PSPC1: variants seen among roughly 807,000 people sequenced by gnomAD.
PSPC1 encodes the protein paraspeckle protein 1.
In PSPC1, 14 loss-of-function variants were observed where a neutral mutation model predicts 51.6. The ratio of observed to expected loss-of-function variants is 0.27; its 90% CI spans 0.18 to 0.42. The LOEUF is 0.42. Ranked by LOEUF, PSPC1 falls within the 10% of genes least tolerant of loss-of-function variation. PSPC1 has a pLI of 1.00. For synonymous variants in PSPC1, 193 were observed against 231.9 expected, an observed-to-expected ratio of 0.83 and a Z score of 1.53; for missense variants, 406 against 701.1, an observed-to-expected ratio of 0.58 and a Z score of 4.75.
chr13:19,754,453 CTTTT>C (rs67371116), intron 3 of PSPC1, among the ~76,000 whole-genome samples: 12 of 122,542 alleles, frequency 9.8e-5, no homozygotes, highest in African/African-American at 1.1e-4. Flanking sequence ...TAACTAACTC[CTTTT>C]TTTTTTTTTT....
At chr13:19,680,822 C>A (rs1877188121) in intron 6 of PSPC1, among the ~76,000 whole-genome samples, 1 of 152,136 alleles carries the variant, frequency 6.6e-6, no homozygotes. Flanking sequence ...GAAAAAGGCC[C>A]CTCTAACCAC....
At chr13:19,685,490 T>A (rs1394640875) in intron 6 of PSPC1, among the ~76,000 whole-genome samples, 1 of 152,210 alleles carries the variant, frequency 6.6e-6, no homozygotes, top group Non-Finnish European at 1.5e-5. Context: ...AGGAAGCACC[T>A]CTATGAGGGT....
At chr13:19,677,904 T>G in intron 6 of PSPC1, 1 of 450,970 alleles carries the variant, frequency 2.2e-6, no homozygotes. Context: ...GTTAACTCAT[T>G]TAGTAAATTC....
intron 2 of PSPC1, among the ~76,000 whole-genome samples, chr13:19,760,513 G>C (rs1420034224): frequency 6.6e-6 from 1 of 150,782 alleles, no homozygotes; most frequent in South Asian, 2.1e-4. Context: ...GGGCGACAGA[G>C]TGAGACTCTG....
At chr13:19,686,150 A>G (rs545937179) in intron 6 of PSPC1, among the ~76,000 whole-genome samples, 97 of 152,288 alleles carry the variant, frequency 6.4e-4, no homozygotes, top group African/African-American at 2.2e-3. Context: ...GCTACATCCT[A>G]TCATGACCTA....
intron 1 of PSPC1, among the ~76,000 whole-genome samples, chr13:19,774,150 A>C (rs1373102891): frequency 6.6e-6 from 1 of 152,208 alleles, no homozygotes; most frequent in Non-Finnish European, 1.5e-5. Flanking sequence ...ACTTCCTTCT[A>C]CTGGGAGAAT....
At chr13:19,678,331 G>A (rs908358179) in intron 6 of PSPC1, 1 of 153,688 alleles carries the variant, frequency 6.5e-6, no homozygotes, top group African/African-American at 2.4e-5. Flanking sequence ...TCTTACCCTA[G>A]TAAGACCTTG....
chr13:19,780,176 G>A (rs1349281045), intron 1 of PSPC1, among the ~76,000 whole-genome samples: 2 of 119,030 alleles, frequency 1.7e-5, no homozygotes, highest in Non-Finnish European at 3.7e-5. Flanking sequence ...GCCCCGTCCG[G>A]GAGGGAGGTG....
downstream of PSPC1, among the ~76,000 whole-genome samples, chr13:19,700,679 T>C (rs1190114782): frequency 6.6e-6 from 1 of 152,100 alleles, no homozygotes; most frequent in Non-Finnish European, 1.5e-5. Flanking sequence ...ACATGAAACA[T>C]TAAGTCCTGA....
chr13:19,675,804 G>T (rs1486774069), intron 7 of PSPC1: 1 of 152,174 alleles, frequency 6.6e-6, no homozygotes, highest in African/African-American at 2.4e-5. Context: ...TATTAAGATT[G>T]TTGATGGAGG....
At chr13:19,706,837 T>C (rs1320545982) in intron 7 of PSPC1, among the ~76,000 whole-genome samples, 5 of 152,186 alleles carry the variant, frequency 3.3e-5, no homozygotes, top group African/African-American at 1.2e-4. Context: ...AGCTGAAATC[T>C]CTATATGGCT....
At chr13:19,766,051 G>A (rs1200397715) in intron 2 of PSPC1, among the ~76,000 whole-genome samples, 1 of 152,162 alleles carries the variant, frequency 6.6e-6, no homozygotes, top group African/African-American at 2.4e-5. Context: ...CTTCTGCACA[G>A]GAAAAGTGTG....
Position 19,782,260 on chromosome 13 carries a change from G to A in PSPC1, c.372+126C>T. ...CAACCCCGCACAGAGGAATCGATGAGGCCGAGCGGCGCCACGGTTGCCACA... is the reference window on the plus strand; with the variant it reads ...CAACCCCGCACAGAGGAATCGATGAAGCCGAGCGGCGCCACGGTTGCCACA... On this transcript the variant is annotated intron_variant, in intron 1 of 8. Coordinates refer to ENST00000338910, the MANE Select transcript of PSPC1 (RefSeq NM_001354909.2). The surrounding 1 kb of genome is among the most constrained non-coding windows in gnomAD (Gnocchi z 4.5). 1 of 1,381,484 alleles carries A rather than the reference G, an allele frequency of 7.2e-7. No individual in the cohort carries two copies. Among genetic ancestry groups the A allele is most frequent in the South Asian group, 1.7e-5 (1 of 60,320 alleles). 85.6% of individuals were successfully genotyped at this position (1,381,484 alleles called of 1,614,324 possible).
At chr13:19,710,806 T>C (rs1881296759) in intron 6 of PSPC1, among the ~76,000 whole-genome samples, 1 of 151,512 alleles carries the variant, frequency 6.6e-6, no homozygotes, top group Non-Finnish European at 1.5e-5. Context: ...TCACATTATT[T>C]AGAAGATTTA....
intron 7 of PSPC1, among the ~76,000 whole-genome samples, chr13:19,706,313 T>C (rs939133482): frequency 1.3e-5 from 2 of 152,032 alleles, no homozygotes; most frequent in African/African-American, 2.4e-5. Flanking sequence ...AAGATCATTA[T>C]AACTAGCCTC....
At chr13:19,753,685 G>C (rs1261359424) in intron 3 of PSPC1, among the ~76,000 whole-genome samples, 1 of 152,098 alleles carries the variant, frequency 6.6e-6, no homozygotes, top group Non-Finnish European at 1.5e-5. Context: ...TTGGGGTAGG[G>C]AGGTGAGGAG....
At chr13:19,681,659 G>T (rs1877279146) in intron 6 of PSPC1, among the ~76,000 whole-genome samples, 1 of 152,166 alleles carries the variant, frequency 6.6e-6, no homozygotes, top group Non-Finnish European at 1.5e-5. Flanking sequence ...CAACAGCAGG[G>T]TTTCCTTTCG....
intron 1 of PSPC1, among the ~76,000 whole-genome samples, chr13:19,772,916 C>G (rs948305832): frequency 5.9e-5 from 9 of 152,142 alleles, no homozygotes; most frequent in Admixed American, 5.9e-4. Flanking sequence ...AATCCCAGCA[C>G]TTTGAGAGGC....
intron 4 of PSPC1, among the ~76,000 whole-genome samples, chr13:19,745,510 T>C (rs565244382): frequency 3.9e-5 from 6 of 152,292 alleles, no homozygotes; most frequent in African/African-American, 1.4e-4. Flanking sequence ...GAAAACTGAA[T>C]GTATAACTTC....
Sources: allele counts gnomAD v4.1 joint callset (sites outside exome capture counted in the v4.1 genomes callset), GRCh38; gene constraint gnomAD v4.1.1; non-coding constraint Gnocchi (gnomAD v3.1); transcripts MANE v1.5; gene names NCBI Gene and HGNC (gene_info 2026-07-23, HGNC 2026-07-21).